MROH2A: variants seen among roughly 807,000 people sequenced by gnomAD.
MROH2A encodes maestro heat like repeat family member 2A, also known as maestro heat-like repeat-containing protein family member 2A.
MROH2A carries 174 observed loss-of-function variants against 200.4 expected under a neutral mutation model. That is an observed-to-expected ratio of 0.87 (90% CI 0.77 to 0.98). MROH2A has a LOEUF of 0.98. Ranked by LOEUF, MROH2A falls within the 50% of genes least tolerant of loss-of-function variation. MROH2A has a pLI of 0.00. For missense variants in MROH2A, 2,045 were observed against 2,139.6 expected (o/e 0.96, Z 0.87); for synonymous variants, 829 against 840.4 (o/e 0.99, Z 0.23).
At chr2:233,808,631 C>A (rs1702955183) in intron 21 of MROH2A, among the ~76,000 whole-genome samples, 1 of 152,220 alleles carries the variant, frequency 6.6e-6, no homozygotes, top group South Asian at 2.1e-4. Context: ...GGGGCCCCTG[C>A]TCCCCATCCA....
Position 233,796,004 on chromosome 2 carries a change from G to A in MROH2A, c.1097G>A (p.Ser366Asn), listed in dbSNP as rs915734383. 6.4e-7 allele frequency: 1 copy of A among 1,550,638 alleles called. No individual in the cohort carries two copies. The highest frequency in any genetic ancestry group is 8.7e-7 in the Non-Finnish European group (1 of 1,146,994). ...GCCCCGGCCCAGCATCAGTACAGCA[G>A]CCAGAATCTGATGGAGATGGTGCAC... ...NKAPAQHQYS[S>N]QNLMEMVHCF... is the part of the protein sequence containing the mutation. Residue 366 changes from serine to asparagine, a missense_variant, in exon 10 of 42, where the codon AGC becomes AAC. Ser to Asn is a conservative substitution (Grantham distance 46, BLOSUM62 1). Around this residue, in one of 3 missense-constraint regions of MROH2A, gnomAD observed 831 missense variants for 800.0 expected, o/e 1.04. Coordinates refer to ENST00000389758, the MANE Select transcript of MROH2A (RefSeq NM_001394639.1).
At chr2:233,814,249 A>T (rs1364327796) in intron 25 of MROH2A, among the ~76,000 whole-genome samples, 1 of 152,184 alleles carries the variant, frequency 6.6e-6, no homozygotes, top group Non-Finnish European at 1.5e-5. Context: ...GTCCTGGGAA[A>T]TGTAGTCCCT....
chr2:233,796,770 G>C (rs1052563139), intron 11 of MROH2A, among the ~76,000 whole-genome samples: 7 of 152,198 alleles, frequency 4.6e-5, no homozygotes, highest in African/African-American at 1.7e-4. Flanking sequence ...ATTTGAAGAA[G>C]GCCCCTGTTG....
chr2:233,809,405 A>C, intron 22 of MROH2A, 127 bp downstream of exon 22: 1 of 1,051,408 alleles, frequency 9.5e-7, no homozygotes, highest in Non-Finnish European at 1.4e-6. Context: ...GATGCCCAGC[A>C]CGTGGGAAGC....
chr2:233,804,057 A>ACAAGGCT lies in MROH2A; in HGVS notation c.1756_1757insCAAGGCT (p.Met586ThrfsTer51), dbSNP rs1426170347. ...GAGCCTTGGTGCCCTCCAGGTGCTG[A>ACAAGGCT]TGTCATCACCTTACAAGGGGGAGGG... On this transcript the variant is annotated frameshift_variant, in exon 17 of 42. Coordinates refer to ENST00000389758, the MANE Select transcript of MROH2A (RefSeq NM_001394639.1). LOFTEE classifies it high-confidence loss of function. 3.2e-6 allele frequency: 5 copies of ACAAGGCT among 1,550,408 alleles called. No homozygotes were observed. In the African/African-American group the frequency reaches 6.8e-5, roughly 21 times the overall value.
chr2:233,804,953 A>G, intron 18 of MROH2A, 51 bp from the exon 19 acceptor site: 2 of 1,110,162 alleles, frequency 1.8e-6, no homozygotes, highest in Admixed American at 2.1e-5. Context: ...CCAGGCAAGA[A>G]CAAGGATGAA....
At chr2:233,823,145 G>A (rs1044297079) in intron 34 of MROH2A, 127 bp downstream of exon 34, 11 of 982,270 alleles carry the variant, frequency 1.1e-5, no homozygotes, top group African/African-American at 4.9e-5. Flanking sequence ...GAACTGCCAC[G>A]CCAACCTGTG....
intron 26 of MROH2A, 44 bp downstream of exon 26, chr2:233,814,721 TC>T: frequency 7.2e-7 from 1 of 1,382,514 alleles, no homozygotes; most frequent in Non-Finnish European, 1.0e-6. Flanking sequence ...TGGCCACTCC[TC>T]CCCAGAAGCT....
Position 233,828,787 on chromosome 2 carries a change from G to T in MROH2A, c.4263+8G>T, listed in dbSNP as rs1420515797. ...CTGGGCGCCCCCAAGAAGGTACTGT[G>T]CCTGGCCCTGGGCCCAGGTCCCGGG... On this transcript the variant is annotated splice_region_variant and intron_variant, in intron 36 of 41. Transcript: ENST00000389758. This position sits in a 1 kb window ranked among gnomAD's most constrained non-coding sequence, Gnocchi z 4.6. 4 of 1,549,916 alleles carry T rather than the reference G, an allele frequency of 2.6e-6. No individual in the cohort carries two copies. The highest frequency in any genetic ancestry group is 3.5e-6 in the Non-Finnish European group (4 of 1,146,592).
Position 233,789,883 on chromosome 2 carries a change from G to A in MROH2A, c.440G>A (p.Ser147Asn). ...GGCTATATGAAGGCAGAGGTGGCCAGCGACACACTGGTGGCTCTGTCCCGA... is the reference window on the plus strand; with the variant it reads ...GGCTATATGAAGGCAGAGGTGGCCAACGACACACTGGTGGCTCTGTCCCGA... ...MEGYMKAEVA[S>N]DTLVALSRNH... is the part of the protein sequence containing the mutation. Residue 147 changes from serine (S) to asparagine (N), a missense_variant, in exon 5 of 42, where the codon AGC becomes AAC. Coordinates refer to ENST00000389758, the MANE Select transcript of MROH2A (RefSeq NM_001394639.1). 6.4e-7 allele frequency: 1 copy of A among 1,550,388 alleles called. No homozygotes were observed. Among genetic ancestry groups the A allele is most frequent in the Middle Eastern group, 1.7e-4 (1 of 5,932 alleles).
At chr2:233,805,211 G>A in intron 19 of MROH2A, 100 bp downstream of exon 19, 2 of 784,224 alleles carry the variant, frequency 2.6e-6, no homozygotes, top group South Asian at 3.3e-5. Flanking sequence ...AGCTGGACCT[G>A]TGGCTGTTTA....
chr2:233,817,885 A>G (rs777946413), intron 27 of MROH2A, 117 bp from the exon 28 acceptor site: 187 of 1,264,308 alleles, frequency 1.5e-4, no homozygotes, highest in Admixed American at 2.9e-4. Context: ...CCCTTCCCCA[A>G]ATGGGTGTTT....
At chr2:233,778,196 C>T (rs756878424), upstream of MROH2A, 1 of 152,982 alleles carries the variant, frequency 6.5e-6, no homozygotes, top group Non-Finnish European at 1.5e-5. Context: ...GAGTTTTCAC[C>T]CCAGAGCCCT....
chr2:233,789,488 G>A lies in MROH2A; in HGVS notation c.277-9G>A. On this transcript the variant is annotated splice_polypyrimidine_tract_variant and intron_variant, in intron 3 of 41. Transcript: ENST00000389758. ...GAGGTCCATTCCACCCACCATACTT[G>A]TTTCCCAGATTTCCACCCAGCGCAA... 1 of 1,411,990 alleles carries A rather than the reference G, an allele frequency of 7.1e-7. No homozygotes were observed. The highest frequency in any genetic ancestry group is 9.3e-7 in the Non-Finnish European group (1 of 1,077,168). 87.5% of individuals were successfully genotyped at this position (1,411,990 alleles called of 1,614,324 possible).
At chr2:233,791,189 A>G (rs563850605) in intron 5 of MROH2A, among the ~76,000 whole-genome samples, 1 of 152,290 alleles carries the variant, frequency 6.6e-6, no homozygotes, top group South Asian at 2.1e-4. Context: ...AAGCTATCGA[A>G]GGACATTAAG....
At chr2:233,800,744 T>C (rs1702422948) in intron 14 of MROH2A, among the ~76,000 whole-genome samples, 1 of 152,078 alleles carries the variant, frequency 6.6e-6, no homozygotes, top group Non-Finnish European at 1.5e-5. Flanking sequence ...CAGAGGAGTG[T>C]GCACTAGGAG....
intron 3 of MROH2A, among the ~76,000 whole-genome samples, chr2:233,780,782 C>G (rs1318424783): frequency 6.6e-6 from 1 of 152,146 alleles, no homozygotes; most frequent in Non-Finnish European, 1.5e-5. Context: ...TACAATCAAT[C>G]ATTGTTGACT....
intron 27 of MROH2A, among the ~76,000 whole-genome samples, chr2:233,817,626 G>C (rs1703628069): frequency 6.6e-6 from 1 of 152,236 alleles, no homozygotes; most frequent in Non-Finnish European, 1.5e-5. Flanking sequence ...TGTGCAGACA[G>C]GAAACATGAG....
At chr2:233,823,936 AGGG>A (rs1704133848) in intron 35 of MROH2A, among the ~76,000 whole-genome samples, 1 of 152,098 alleles carries the variant, frequency 6.6e-6, no homozygotes. Flanking sequence ...GGACCCAGGG[AGGG>A]CACCTGGGTT....
Sources: allele counts gnomAD v4.1 joint callset (sites outside exome capture counted in the v4.1 genomes callset), GRCh38; gene constraint gnomAD v4.1.1; regional missense constraint gnomAD v4.1.1; non-coding constraint Gnocchi (gnomAD v3.1); transcripts MANE v1.5; gene names NCBI Gene and HGNC (gene_info 2026-07-23, HGNC 2026-07-21).